The following CDKL3 variants were observed in gnomAD, a reference collection of about 807,000 sequenced individuals.
The protein encoded by CDKL3 is cyclin-dependent kinase-like 3.
In CDKL3, 65 loss-of-function variants were observed where a neutral mutation model predicts 69.3. That is an observed-to-expected ratio of 0.94 (90% CI 0.77 to 1.15). The LOEUF (loss-of-function observed/expected upper bound fraction) is 1.15, where lower values mean the gene tolerates loss of function less well. CDKL3 is among the 50% of genes most tolerant of loss of function. The pLI, the probability that CDKL3 is intolerant of heterozygous loss-of-function variation, is 0.00. For missense variants in CDKL3, 652 were observed against 689.2 expected (o/e 0.95, Z 0.61); for synonymous variants, 202 against 221.6 (o/e 0.91, Z 0.79).
chr5:134,303,476 T>C (rs1766868676), intron 11 of CDKL3, among the ~76,000 whole-genome samples: 1 of 152,176 alleles, frequency 6.6e-6, no homozygotes, highest in Non-Finnish European at 1.5e-5. Context: ...AAAGGCAATT[T>C]ACCCCAGGTC....
downstream of CDKL3, among the ~76,000 whole-genome samples, chr5:134,285,402 C>A (rs185328156): frequency 6.6e-6 from 1 of 152,360 alleles, no homozygotes; most frequent in African/African-American, 2.4e-5. Context: ...AGGCTCAACA[C>A]TACAGGGAAG....
In CDKL3 at chr5:134,308,617, G is replaced by C; in HGVS notation, c.992C>G (p.Thr331Arg). The C allele has an allele frequency of 1.2e-6, 2 of 1,606,704 alleles. No individual in the cohort carries two copies. ...ENELRKDERK[T>R]VYTNTLLSSS... ...ACTTAGCAGTGTATTGGTATAAACT[G>C]TTTTTCTTTCATCTTTCCTGAGTTC... Residue 331 changes from threonine to arginine, a missense_variant, in exon 8 of 13, where the codon ACA becomes AGA. By Grantham distance (71) the Thr-to-Arg change is moderately conservative. Coordinates refer to ENST00000265334, the MANE Select transcript of CDKL3 (RefSeq NM_001113575.2).
chr5:134,295,268 C>T (rs1240690475), downstream of CDKL3, among the ~76,000 whole-genome samples: 1 of 152,076 alleles, frequency 6.6e-6, no homozygotes, highest in Non-Finnish European at 1.5e-5. Flanking sequence ...CTGCCTGCCT[C>T]GGCCTCCTGA....
intron 1 of CDKL3, 88 bp from the exon 2 acceptor site, chr5:134,366,632 C>A: frequency 1.2e-6 from 1 of 815,158 alleles, no homozygotes; most frequent in Non-Finnish European, 1.9e-6. Flanking sequence ...CCACAATAAA[C>A]CCACAGTCTC....
intron 3 of CDKL3, among the ~76,000 whole-genome samples, chr5:134,352,323 CAG>C (rs1199783880): frequency 6.9e-6 from 1 of 144,146 alleles, no homozygotes; most frequent in Admixed American, 7.2e-5. Context: ...TTTTTTGAGA[CAG>C]AGTTTTGCTC....
At chr5:134,362,331 C>T (rs959177945) in intron 2 of CDKL3, among the ~76,000 whole-genome samples, 1 of 152,108 alleles carries the variant, frequency 6.6e-6, no homozygotes, top group Non-Finnish European at 1.5e-5. Context: ...ATCAGCCTGA[C>T]CAACATGGAG....
At position 134,366,359 on chromosome 5, in the gene CDKL3, C is replaced by A; in HGVS notation, c.165G>T (p.Lys55Asn). 1 of 1,553,370 alleles carries A rather than the reference C, an allele frequency of 6.4e-7. No homozygotes were observed. The highest frequency in any genetic ancestry group is 2.3e-5 in the East Asian group (1 of 43,540). Residue 55 changes from lysine to asparagine, a missense_variant and splice_region_variant, in exon 2 of 13, where the codon AAG (lysine) becomes AAT (asparagine). Physicochemically the swap from Lys to Asn is moderately conservative, Grantham distance 94. Coordinates refer to ENST00000265334, the MANE Select transcript of CDKL3 (RefSeq NM_001113575.2). ...GATGATTAAGGCAAAAGAAGCAAAC[C>A]TTTAGAAACTTTATTTCTCTCATCG... ...KIAMREIKFL[K>N]QFHHENLVNL...
chr5:134,338,446 T>C (rs1581097089), intron 4 of CDKL3, among the ~76,000 whole-genome samples: 3 of 151,970 alleles, frequency 2.0e-5, no homozygotes, highest in African/African-American at 4.8e-5. Context: ...TCCCAAAACT[T>C]TGGGAGGCTG....
intron 4 of CDKL3, among the ~76,000 whole-genome samples, chr5:134,326,833 A>ATG (rs1421388139): frequency 2.4e-5 from 2 of 83,568 alleles, no homozygotes; most frequent in Non-Finnish European, 4.3e-5. Context: ...ATATATATAT[A>ATG]TATATATATA....
chr5:134,346,375 A>G (rs1203335717), intron 4 of CDKL3, among the ~76,000 whole-genome samples: 1 of 152,180 alleles, frequency 6.6e-6, no homozygotes, highest in Non-Finnish European at 1.5e-5. Flanking sequence ...TTGGGTTTTC[A>G]TTTATGAAGG....
upstream of CDKL3, chr5:134,371,598 G>A: frequency 3.1e-6 from 5 of 1,612,842 alleles, no homozygotes; most frequent in Non-Finnish European, 4.2e-6. Flanking sequence ...TGCGGAGCAT[G>A]TCGACCCCGG....
Position 134,359,903 on chromosome 5 carries a change from A to G in CDKL3, c.354T>C (p.Ser118=). The G allele has an allele frequency of 6.3e-7, 1 of 1,577,654 alleles. No individual in the cohort carries two copies. Among genetic ancestry groups the G allele is most frequent in the South Asian group, 1.2e-5 (1 of 85,092 alleles). The part of the protein sequence containing the change: ...QILRAIDYLH[S]NNIIHRDIKP... ...CTTATTCTGAAGCACTTACATTATT[A>G]CTGTGAAGATAGTCAATTGCTCGAA... The change falls in exon 3 of 13, where the codon AGT becomes AGC. Residue 118 remains serine, a synonymous_variant. Transcript: ENST00000265334.
intron 9 of CDKL3, among the ~76,000 whole-genome samples, chr5:134,307,137 T>C (rs997764370): frequency 2.0e-5 from 3 of 152,062 alleles, no homozygotes; most frequent in Non-Finnish European, 4.4e-5. Context: ...CAAAATGCAA[T>C]AGTGAGTCCT....
chr5:134,314,081 G>A (rs911126285), intron 6 of CDKL3, among the ~76,000 whole-genome samples: 1 of 152,122 alleles, frequency 6.6e-6, no homozygotes, highest in African/African-American at 2.4e-5. Flanking sequence ...GAGACAGGAG[G>A]TTGCGGTGAG....
chr5:134,299,775 T>G, intron 12 of CDKL3: 1 of 1,421,344 alleles, frequency 7.0e-7, no homozygotes, highest in Non-Finnish European at 9.6e-7. Flanking sequence ...GAAACAGGTC[T>G]TTAATTGAGG....
upstream of CDKL3, chr5:134,371,375 C>T: frequency 1.5e-6 from 1 of 657,054 alleles, no homozygotes; most frequent in Non-Finnish European, 2.6e-6. Flanking sequence ...CCGCGTCCCG[C>T]CCCCTCCTCC....
intron 5 of CDKL3, 68 bp from the exon 6 acceptor site, chr5:134,319,565 C>T: frequency 7.9e-7 from 1 of 1,262,490 alleles, no homozygotes; most frequent in Non-Finnish European, 1.1e-6. Flanking sequence ...AATCAAATTG[C>T]TATGTCATCT....
At position 134,332,288 on chromosome 5, in the gene CDKL3, T is replaced by C. The variant is rs186048882; in HGVS notation, c.540-10385A>G. ...AGTTTCTTTTGCTGTGCAGAAGCTCTTTAGTTTAATTAGATCTCATTTGTC... is the reference window on the plus strand; with the variant it reads ...AGTTTCTTTTGCTGTGCAGAAGCTCCTTAGTTTAATTAGATCTCATTTGTC... On this transcript the variant is annotated intron_variant, in intron 4 of 12. Transcript: ENST00000265334. 1.0e-3 allele frequency among the ~76,000 whole-genome samples: 157 copies of C among 152,318 alleles called. 1 individual carries two copies. In the East Asian group the frequency reaches 0.027, roughly 27 times the overall value.
downstream of CDKL3, among the ~76,000 whole-genome samples, chr5:134,294,777 C>T (rs1341865116): frequency 1.3e-5 from 2 of 152,040 alleles, no homozygotes; most frequent in African/African-American, 4.8e-5. Context: ...ACAAGATCAA[C>T]ACAGAAAAAC....
Sources: allele counts gnomAD v4.1 joint callset (sites outside exome capture counted in the v4.1 genomes callset), GRCh38; gene constraint gnomAD v4.1.1; transcripts MANE v1.5; gene names NCBI Gene and HGNC (gene_info 2026-07-23, HGNC 2026-07-21).